The following XRCC5 variants were observed in gnomAD, a reference collection of about 807,000 sequenced individuals.
XRCC5 encodes the protein DNA repair protein Ku80.
XRCC5 carries 12 observed loss-of-function variants against 95.7 expected under a neutral mutation model. The ratio of observed to expected loss-of-function variants is 0.13; its 90% confidence interval spans 0.08 to 0.20. The LOEUF (loss-of-function observed/expected upper bound fraction) is 0.20. Among genes scored for constraint, XRCC5 ranks in the 10% least tolerant of loss-of-function variants. The pLI, the probability that XRCC5 is intolerant of heterozygous loss-of-function variation, is 1.00. For synonymous variants in XRCC5, 281 were observed against 290.3 expected, an observed-to-expected ratio of 0.97 and a Z score of 0.33; for missense variants, 595 against 873.9, an observed-to-expected ratio of 0.68 and a Z score of 4.02.
chr2:216,177,741 C>T (rs116332262), intron 16 of XRCC5, among the ~76,000 whole-genome samples: 6 of 152,082 alleles, frequency 3.9e-5, no homozygotes, highest in African/African-American at 1.4e-4. Flanking sequence ...TTCTTTTGTC[C>T]CATTTTTGTC....
At chr2:216,152,931 G>A (rs1688771414) in intron 14 of XRCC5, among the ~76,000 whole-genome samples, 1 of 151,898 alleles carries the variant, frequency 6.6e-6, no homozygotes, top group Non-Finnish European at 1.5e-5. Context: ...TGTATTTTTA[G>A]CTTCTCCCTC....
chr2:216,196,998 G>T (rs1030671525), intron 19 of XRCC5, among the ~76,000 whole-genome samples: 37 of 152,138 alleles, frequency 2.4e-4, no homozygotes, highest in African/African-American at 8.9e-4. Flanking sequence ...GTACATACTA[G>T]AGTTTTTGGA....
At chr2:216,156,440 G>A in intron 14 of XRCC5, 1 of 750,052 alleles carries the variant, frequency 1.3e-6, no homozygotes, top group South Asian at 1.3e-5. Flanking sequence ...AGCTTTTGTA[G>A]TCTCTATCGT....
intron 10 of XRCC5, among the ~76,000 whole-genome samples, chr2:216,135,677 T>C (rs2106011681): frequency 6.6e-6 from 1 of 152,088 alleles, no homozygotes; most frequent in East Asian, 1.9e-4. Flanking sequence ...CGCGTGCCTA[T>C]AATTCCAGCT....
chr2:216,120,348 C>T (rs370694620), intron 5 of XRCC5, among the ~76,000 whole-genome samples: 11 of 152,246 alleles, frequency 7.2e-5, no homozygotes, highest in East Asian at 5.8e-4. Context: ...TTTCCATGAG[C>T]AATACAGAAA....
intron 16 of XRCC5, among the ~76,000 whole-genome samples, chr2:216,177,946 A>G (rs41302474): frequency 0.011 from 1,739 of 152,344 alleles, 38 homozygotes; most frequent in African/African-American, 0.04. Context: ...CAAACCAAAG[A>G]TAAGATATGC....
chr2:216,112,259 C>T (rs1272498318), intron 1 of XRCC5, among the ~76,000 whole-genome samples: 4 of 152,218 alleles, frequency 2.6e-5, no homozygotes, highest in Non-Finnish European at 5.9e-5. Flanking sequence ...CTGTCACTTA[C>T]TTGTTCACAT....
At chr2:216,204,054 T>C in intron 19 of XRCC5, 1 of 454,612 alleles carries the variant, frequency 2.2e-6, no homozygotes, top group South Asian at 2.2e-5. Context: ...CTACACACTG[T>C]CTCGACAAGC....
chr2:216,112,157 A>G (rs1430415294), intron 1 of XRCC5, among the ~76,000 whole-genome samples: 1 of 152,226 alleles, frequency 6.6e-6, no homozygotes, highest in African/African-American at 2.4e-5. Flanking sequence ...CTTTACATGT[A>G]TTCCTTTTAG....
chr2:216,175,553 C>G (rs1689256085), intron 16 of XRCC5: 4 of 407,102 alleles, frequency 9.8e-6, no homozygotes, highest in Non-Finnish European at 1.9e-5. Flanking sequence ...TCTTTTTCCA[C>G]TCTGTCATCC....
intron 5 of XRCC5, among the ~76,000 whole-genome samples, chr2:216,120,783 T>G (rs1220865543): frequency 3.9e-5 from 6 of 152,202 alleles, no homozygotes; most frequent in Non-Finnish European, 1.5e-5. Flanking sequence ...TTGCCCAGGC[T>G]GGAGTGCAGT....
chr2:216,168,062 A>G (rs1337869883), intron 16 of XRCC5, among the ~76,000 whole-genome samples: 1 of 152,194 alleles, frequency 6.6e-6, no homozygotes. Context: ...TATCAGGACA[A>G]GTGGTCTCAT....
rs765812803 is a variant in XRCC5, at chr2:216,109,401, C to A, written c.-36C>A. Reference sequence around the variant, plus strand: ...AGTTGCGACACGGCAGGTTCCCGCCCGGAAGAAGCGACCAAAGCGCCTGAG... The same window carrying A: ...AGTTGCGACACGGCAGGTTCCCGCCAGGAAGAAGCGACCAAAGCGCCTGAG... On this transcript the variant is annotated 5_prime_UTR_variant, in exon 1 of 21. Transcript: ENST00000392132. 1 of 1,613,458 alleles carries A rather than the reference C, an allele frequency of 6.2e-7. No individual in the cohort carries two copies.
chr2:216,151,613 A>G (rs1246746256), intron 14 of XRCC5, among the ~76,000 whole-genome samples: 1 of 152,204 alleles, frequency 6.6e-6, no homozygotes, highest in Non-Finnish European at 1.5e-5. Flanking sequence ...AAATAGGGAT[A>G]ATAGGAATAT....
Position 216,137,225 on chromosome 2 carries a change from G to A in XRCC5, c.1251G>A (p.Glu417=), listed in dbSNP as rs1299085299. 1 of 1,610,618 alleles carries A rather than the reference G, an allele frequency of 6.2e-7. No homozygotes were observed. The highest frequency in any genetic ancestry group is 8.5e-7 in the Non-Finnish European group (1 of 1,178,478). Residue 417 remains glutamate (E), a splice_region_variant and synonymous_variant, in exon 11 of 21, where the codon GAG becomes GAA. Transcript: ENST00000392132. ...TTCCTCATATCAAGCATAACTATGAGGTAAAACCCAAAGTCTTAATGTTAT... is the reference window on the plus strand; with the variant it reads ...TTCCTCATATCAAGCATAACTATGAAGTAAAACCCAAAGTCTTAATGTTAT... ...VAFPHIKHNY[E]CLVYVQLPFM...
chr2:216,200,653 A>G (rs1282016387), intron 19 of XRCC5, among the ~76,000 whole-genome samples: 3 of 152,132 alleles, frequency 2.0e-5, no homozygotes, highest in Non-Finnish European at 4.4e-5. Context: ...TTCCATCACC[A>G]CATAAGCCTC....
intron 13 of XRCC5, among the ~76,000 whole-genome samples, chr2:216,144,334 G>A (rs1559246269): frequency 6.6e-6 from 1 of 152,234 alleles, no homozygotes; most frequent in Admixed American, 6.5e-5. Flanking sequence ...AAACGTGACA[G>A]AGAAGGTAAG....
At chr2:216,132,288 A>T (rs1406598016) in intron 9 of XRCC5, 37 bp from the exon 10 acceptor site, 4 of 1,599,256 alleles carry the variant, frequency 2.5e-6, no homozygotes, top group Admixed American at 1.7e-5. Context: ...CATGTTACTT[A>T]TTTTGGATCA....
At chr2:216,149,692 T>G (rs1189398103) in intron 14 of XRCC5, among the ~76,000 whole-genome samples, 1 of 152,178 alleles carries the variant, frequency 6.6e-6, no homozygotes, top group Non-Finnish European at 1.5e-5. Context: ...TGCTCTTCCC[T>G]TTGATTAAAA....
Sources: allele counts gnomAD v4.1 joint callset (sites outside exome capture counted in the v4.1 genomes callset), GRCh38; gene constraint gnomAD v4.1.1; transcripts MANE v1.5; gene names NCBI Gene and HGNC (gene_info 2026-07-23, HGNC 2026-07-21).